The following APC2 variants were observed in gnomAD, a reference collection of about 807,000 sequenced individuals.
APC2 encodes adenomatous polyposis coli protein 2.
APC2 carries 41 observed loss-of-function variants against 72.5 expected under a neutral mutation model. That is an observed-to-expected ratio of 0.57 (90% CI 0.44 to 0.73). The LOEUF (loss-of-function observed/expected upper bound fraction) is 0.73. APC2 is among the 30% of genes least tolerant of loss of function. The pLI is 0.00. For missense variants in APC2, 3,729 were observed against 3,403.4 expected (o/e 1.10, Z -2.38); for synonymous variants, 1,898 against 1,612.0 (o/e 1.18, Z -4.25).
rs1555675929 is a variant in APC2 at position 1,457,898 on chromosome 19, G to GGGGGGGGGGA, written c.1208-67_1208-66insGGGGGGGGGA. 1.4e-3 allele frequency: 1,976 copies of GGGGGGGGGGA among 1,431,812 alleles called. 6 individuals are homozygous for GGGGGGGGGGA. The highest frequency in any genetic ancestry group is 1.7e-3 in the East Asian group (67 of 38,992). The allele number at this position is 1,431,812 out of a possible 1,614,324, so 88.7% of individuals were successfully genotyped here. A position where few individuals can be genotyped will look rare whatever the true frequency, so the allele number is the denominator to read the frequency against. ...CAGGCCTGGGGCGGGCGGGTTGCGG[G>GGGGGGGGGGA]ACCTTCGGGAGTCACCTGGGACATT... On this transcript the variant is annotated intron_variant, in intron 9 of 14. Coordinates refer to ENST00000590469, the MANE Select transcript of APC2 (RefSeq NM_005883.3).
chr19:1,457,041 AGGGGCACCG>A lies in APC2; in HGVS notation c.1008_1016del (p.Pro338_Ala340del), dbSNP rs751591853. 6.3e-5 allele frequency: 96 copies of A among 1,528,226 alleles called. No homozygotes were observed. The highest frequency in any genetic ancestry group is 1.4e-5 in the African/African-American group (1 of 71,146). The allele number at this position is 1,528,226 out of a possible 1,614,324, so 94.7% of individuals were successfully genotyped here. On this transcript the variant is annotated inframe_deletion, in exon 9 of 15. Coordinates refer to ENST00000590469, the MANE Select transcript of APC2 (RefSeq NM_005883.3). ...CGGCCGGGGGTCGCGCCGGGGCCCC[AGGGGCACCG>A]GGCGCCAAGGACGCACGCATGCGCG...
intron 12 of APC2, 66 bp from the exon 13 acceptor site, chr19:1,460,971 C>T (rs1469721673): frequency 3.1e-6 from 5 of 1,598,508 alleles, no homozygotes; most frequent in Admixed American, 3.3e-5. Context: ...TGCAGACTCA[C>T]ATTTGCTGGG....
At chr19:1,457,779 CTGAG>C in intron 9 of APC2, 182 bp from the exon 10 acceptor site, 1 of 624,594 alleles carries the variant, frequency 1.6e-6, no homozygotes, top group Non-Finnish European at 2.9e-6. Flanking sequence ...CTTCCCAAGG[CTGAG>C]TGAGAGAGGC....
rs1369898666 is a variant in APC2, at chr19:1,468,303, C to G, written c.5002C>G (p.Arg1668Gly). 4 of 1,543,672 alleles carry G rather than the reference C, an allele frequency of 2.6e-6. No individual in the cohort carries two copies. Among genetic ancestry groups the G allele is most frequent in the Admixed American group, 1.9e-5 (1 of 51,398 alleles). The change falls in exon 15 of 15, where the codon CGC becomes GGC. Residue 1668 changes from arginine to glycine, a missense_variant. Transcript: ENST00000590469. ...GCGGCCCGCAGAGGGGTCCCGGGAA[C>G]GCGGCGAGGAGGCAGCGGGCTCGGA... ...DERPAEGSRE[R>G]GEEAAGSDRA... is the part of the protein sequence containing the mutation.
intron 10 of APC2, among the ~76,000 whole-genome samples, chr19:1,458,964 G>A (rs531871451): frequency 1.3e-5 from 2 of 151,938 alleles, no homozygotes; most frequent in Admixed American, 6.5e-5. Context: ...GATTACAGGC[G>A]CGAGCCACCA....
Position 1,468,062 on chromosome 19 carries a change from C to T in APC2, c.4761C>T (p.Ser1587=), listed in dbSNP as rs1331266293. 1.9e-6 allele frequency: 3 copies of T among 1,569,064 alleles called. No individual in the cohort carries two copies. The highest frequency in any genetic ancestry group is 2.6e-6 in the Non-Finnish European group (3 of 1,167,228). ...YSLSSSASSL[S]EPEPSEPPAV... ...TGAGCTCCTCCGCCAGCTCCCTCAGCGAGCCCGAGCCCTCGGAGCCGCCGG... is the reference window on the plus strand; with the variant it reads ...TGAGCTCCTCCGCCAGCTCCCTCAGTGAGCCCGAGCCCTCGGAGCCGCCGG... The change falls in exon 15 of 15, where the codon AGC becomes AGT. Residue 1587 remains serine, a synonymous_variant. Coordinates refer to ENST00000590469, the MANE Select transcript of APC2 (RefSeq NM_005883.3).
chr19:1,448,131 C>T (rs983576753), upstream of APC2, among the ~76,000 whole-genome samples: 2 of 152,120 alleles, frequency 1.3e-5, no homozygotes, highest in East Asian at 1.9e-4. Context: ...ATTTCAGCCT[C>T]GCCCAGCTCT....
At position 1,450,231 on chromosome 19, in the gene APC2, C is replaced by T. The variant is rs1420726216; in HGVS notation, c.-126C>T. 6.1e-6 allele frequency: 6 copies of T among 985,198 alleles called. No individual in the cohort carries two copies. Among genetic ancestry groups the T allele is most frequent in the South Asian group, 4.7e-5 (1 of 21,292 alleles). 61.0% of individuals were successfully genotyped at this position (985,198 alleles called of 1,614,324 possible). On this transcript the variant is annotated 5_prime_UTR_variant, in exon 1 of 15. Transcript: ENST00000590469. ...CGCCGCGGAGACCCCGGAGCCCGCG[C>T]GCTCCGAGGCCACCCCGGGCCGGGA...
At position 1,468,266 on chromosome 19, in the gene APC2, C is replaced by G; in HGVS notation, c.4965C>G (p.Thr1655=). The change falls in exon 15 of 15, where the codon ACC becomes ACG. Residue 1655 remains threonine (T), a synonymous_variant. Transcript: ENST00000590469. The stretch of plus-strand genomic sequence containing the variant: ...TGCGGCGCCGCAAGCCCCGAGCCAC[C>G]CGGCTGGATGAGCGGCCCGCAGAGG... ...SGLRRRKPRA[T]RLDERPAEGS... 1 of 1,528,546 alleles carries G rather than the reference C, an allele frequency of 6.5e-7. No homozygotes were observed. The highest frequency in any genetic ancestry group is 8.8e-7 in the Non-Finnish European group (1 of 1,140,054). 94.7% of individuals were successfully genotyped at this position (1,528,546 alleles called of 1,614,324 possible).
At chr19:1,450,830 A>G (rs2083734398) in intron 1 of APC2, among the ~76,000 whole-genome samples, 1 of 152,140 alleles carries the variant, frequency 6.6e-6, no homozygotes, top group South Asian at 2.1e-4. Flanking sequence ...TGGGGGTGAA[A>G]GTAGGCAGAA....
chr19:1,448,890 CCT>C (rs1269762298), upstream of APC2, among the ~76,000 whole-genome samples: 1 of 152,124 alleles, frequency 6.6e-6, no homozygotes, highest in Non-Finnish European at 1.5e-5. Flanking sequence ...GAAAAGATCC[CCT>C]GTGTCTGCCC....
chr19:1,457,990 C>T lies in APC2; in HGVS notation c.1233C>T (p.Ile411=). ...CCCCGATCCCCATCGAGCCGCAGAT[C>T]TGCCAGGCCACCTGTGCTGTTATGA... is the stretch of plus-strand genomic sequence containing the variant. The part of the protein sequence containing the change: ...GSAPIPIEPQ[I]CQATCAVMKL... The change falls in exon 10 of 15, where the codon ATC becomes ATT. Residue 411 remains isoleucine, a synonymous_variant. Transcript: ENST00000590469. The T allele has an allele frequency of 1.3e-6, 2 of 1,563,450 alleles. No homozygotes were observed. Among genetic ancestry groups the T allele is most frequent in the African/African-American group, 2.7e-5 (2 of 74,130 alleles).
At position 1,453,513 on chromosome 19, in the gene APC2, C is replaced by T. The variant is rs530804344; in HGVS notation, c.315C>T (p.Pro105=). The T allele has an allele frequency of 1.1e-5, 17 of 1,609,960 alleles. No homozygotes were observed. Among genetic ancestry groups the T allele is most frequent in the East Asian group, 4.5e-5 (2 of 44,772 alleles). ...TLGPEPAART[P]EGSPVHGSGP... ...GCCCGGAGCCTGCCGCCCGGACCCC[C>T]GAGGGCAGCCCAGTACACGGCTCCG... is the stretch of plus-strand genomic sequence containing the variant. Residue 105 remains proline (P), a synonymous_variant, in exon 4 of 15, where the codon CCC becomes CCT. Coordinates refer to ENST00000590469, the MANE Select transcript of APC2 (RefSeq NM_005883.3).
At chr19:1,463,640 C>T (rs953069538) in intron 14 of APC2, among the ~76,000 whole-genome samples, 1 of 150,886 alleles carries the variant, frequency 6.6e-6, no homozygotes, top group Non-Finnish European at 1.5e-5. Context: ...GTTCCAGCTA[C>T]TTAGGAGGCT....
rs755642259 is a variant in APC2, at chr19:1,469,887, G to T, written c.6586G>T (p.Val2196Phe). The T allele has an allele frequency of 1.1e-5, 16 of 1,523,520 alleles. No homozygotes were observed. The highest frequency in any genetic ancestry group is 9.6e-6 in the Non-Finnish European group (11 of 1,142,298). 94.4% of individuals were successfully genotyped at this position (1,523,520 alleles called of 1,614,324 possible). A position where few individuals can be genotyped will look rare whatever the true frequency, so the allele number is the denominator to read the frequency against. Residue 2196 changes from valine to phenylalanine, a missense_variant, in exon 15 of 15, where the codon GTC becomes TTC. Physicochemically the swap from Val to Phe is conservative, Grantham distance 50 (BLOSUM62 -1). Coordinates refer to ENST00000590469, the MANE Select transcript of APC2 (RefSeq NM_005883.3). ...TSDAVVQTEE[V>F]AAPKTNSSTS... ...CGACGCCGTGGTCCAGACCGAGGAG[G>T]TCGCCGCCCCCAAGACCAACTCCAG...
In APC2 at chr19:1,467,917, G is replaced by C. The variant is rs367655515; in HGVS notation, c.4616G>C (p.Arg1539Pro). ...RTSAIPRAFTRERPQGRKEAP... is the reference protein window; with the variant it reads ...RTSAIPRAFTPERPQGRKEAP... ...TCGGCCATCCCTCGCGCTTTTACGC[G>C]GGAGCGTCCGCAGGGCCGGAAGGAG... The change falls in exon 15 of 15, where the codon CGG becomes CCG. Residue 1539 changes from arginine to proline, a missense_variant. Arg to Pro is a moderately radical substitution (Grantham distance 103). Transcript: ENST00000590469. 1.2e-4 allele frequency: 188 copies of C among 1,584,240 alleles called. 1 individual carries two copies. In the Middle Eastern group the frequency reaches 1.8e-3, roughly 16 times the overall value.
rs1255189683 is a variant in APC2 at position 1,471,437 on chromosome 19, G to A, written c.*1224G>A. 1 of 152,260 alleles carries A rather than the reference G, an allele frequency of 6.6e-6. No individual in the cohort carries two copies. Among genetic ancestry groups the A allele is most frequent in the Non-Finnish European group, 1.5e-5 (1 of 68,080 alleles). The allele number at this position is 152,260 out of a possible 1,614,324, so 9.4% of individuals were successfully genotyped here. A position where few individuals can be genotyped will look rare whatever the true frequency, so the allele number is the denominator to read the frequency against. On this transcript the variant is annotated 3_prime_UTR_variant, in exon 15 of 15. Transcript: ENST00000590469. ...CTGGAGAGTATTTGGTGCCAGATGAGGTGAAAGCTTATAGAAGGGCCTGAG... is the reference window on the plus strand; with the variant it reads ...CTGGAGAGTATTTGGTGCCAGATGAAGTGAAAGCTTATAGAAGGGCCTGAG...
chr19:1,461,348 G>A (rs564215341), intron 13 of APC2, 195 bp downstream of exon 13: 245 of 607,428 alleles, frequency 4.0e-4, no homozygotes, highest in East Asian at 2.1e-3. Context: ...GCTGGGCGCC[G>A]TGGCTCACTT....
Position 1,465,802 on chromosome 19 carries a change from G to C in APC2, c.2501G>C (p.Ser834Thr). 6.3e-7 allele frequency: 1 copy of C among 1,583,188 alleles called. No homozygotes were observed. Among genetic ancestry groups the C allele is most frequent in the East Asian group, 2.3e-5 (1 of 43,850 alleles). ...GGCAAGGAGGCAGAGAAGGACACCA[G>C]TGGGGAGGCAGCCGTGGCGGCCAAG... ...RGGKEAEKDT[S>T]GEAAVAAKAK... Residue 834 changes from serine (S) to threonine (T), a missense_variant, in exon 15 of 15, where the codon AGT (serine) becomes ACT (threonine). Coordinates refer to ENST00000590469, the MANE Select transcript of APC2 (RefSeq NM_005883.3).
Sources: allele counts gnomAD v4.1 joint callset (sites outside exome capture counted in the v4.1 genomes callset), GRCh38; gene constraint gnomAD v4.1.1; transcripts MANE v1.5; gene names NCBI Gene and HGNC (gene_info 2026-07-23, HGNC 2026-07-21).